LDLRAD3: variants seen among roughly 807,000 people sequenced by gnomAD.
The protein encoded by LDLRAD3 is low density lipoprotein receptor class A domain containing 3.
LDLRAD3 carries 20 observed loss-of-function variants against 29.4 expected under a neutral mutation model. The observed-to-expected ratio is 0.68, with a 90% confidence interval of 0.48 to 0.99. The LOEUF is 0.99. LDLRAD3 is among the 50% of genes least tolerant of loss of function. LDLRAD3 has a pLI of 0.00. For missense variants in LDLRAD3, 420 were observed against 454.3 expected, an observed-to-expected ratio of 0.92 and a Z score of 0.69; for synonymous variants, 157 against 192.7, an observed-to-expected ratio of 0.81 and a Z score of 1.53.
chr11:36,113,691 T>C (rs1456444238), intron 4 of LDLRAD3, among the ~76,000 whole-genome samples: 2 of 148,040 alleles, frequency 1.4e-5, no homozygotes, highest in African/African-American at 5.1e-5. Context: ...TTTTTTTTTT[T>C]GAGACAGAGT....
chr11:36,219,157 A>G (rs1267693908), intron 4 of LDLRAD3, among the ~76,000 whole-genome samples: 1 of 152,254 alleles, frequency 6.6e-6, no homozygotes, highest in Non-Finnish European at 1.5e-5. Flanking sequence ...GTAGCTCACA[A>G]AGCATAAAAT....
Position 36,068,080 on chromosome 11 carries a change from G to GT in LDLRAD3, c.194-13565dup, listed in dbSNP as rs200778683. Reference sequence around the variant, plus strand: ...TTCGTTCTCTTTCTCTTGGCCAGGTGTTTTTTTTAGCTAAGGGCCTCTTGC... The same window carrying GT: ...TTCGTTCTCTTTCTCTTGGCCAGGTGTTTTTTTTTAGCTAAGGGCCTCTTGC... On this transcript the variant is annotated intron_variant, in intron 2 of 5. Coordinates refer to ENST00000315571, the MANE Select transcript of LDLRAD3 (RefSeq NM_174902.4). Among the ~76,000 whole-genome samples, 80 of 151,926 alleles carry GT rather than the reference G, an allele frequency of 5.3e-4. No homozygotes were observed. In the East Asian group the frequency reaches 7.9e-3, roughly 15 times the overall value.
Position 36,227,400 on chromosome 11 carries a change from C to A in LDLRAD3, c.770C>A (p.Pro257His). The change falls in exon 5 of 6, where the codon CCC becomes CAC. Residue 257 changes from proline (P) to histidine (H), a missense_variant. Coordinates refer to ENST00000315571, the MANE Select transcript of LDLRAD3 (RefSeq NM_174902.4). The stretch of plus-strand genomic sequence containing the variant: ...AATGCGTCGGAAGTAGGCTCCCCAC[C>A]CTCCTACTCCGAGGCCTTGCTGGAC... Reference protein sequence around the residue: ...EQNASEVGSPPSYSEALLDQR... With the variant: ...EQNASEVGSPHSYSEALLDQR... 1 of 1,593,500 alleles carries A rather than the reference C, an allele frequency of 6.3e-7. No individual in the cohort carries two copies. Among genetic ancestry groups the A allele is most frequent in the East Asian group, 2.2e-5 (1 of 44,716 alleles).
intron 2 of LDLRAD3, among the ~76,000 whole-genome samples, chr11:36,061,567 T>C (rs1221808462): frequency 6.6e-6 from 1 of 152,138 alleles, no homozygotes; most frequent in Admixed American, 6.5e-5. Context: ...TACTACTAAC[T>C]GGGGAGCTCC....
At chr11:35,974,380 C>T (rs1371654635) in intron 1 of LDLRAD3, among the ~76,000 whole-genome samples, 2 of 151,982 alleles carry the variant, frequency 1.3e-5, no homozygotes, top group African/African-American at 2.4e-5. Context: ...CTTGACCTCT[C>T]TTCTGTTGCT....
At chr11:36,155,420 A>T (rs1854333417) in intron 4 of LDLRAD3, among the ~76,000 whole-genome samples, 1 of 152,136 alleles carries the variant, frequency 6.6e-6, no homozygotes, top group African/African-American at 2.4e-5. Flanking sequence ...TTGTTTGGAG[A>T]GAGCCCGCTG....
chr11:36,207,797 C>T (rs1032767571), intron 4 of LDLRAD3, among the ~76,000 whole-genome samples: 2 of 152,118 alleles, frequency 1.3e-5, no homozygotes, highest in African/African-American at 4.8e-5. Context: ...GTCCACCACA[C>T]TGGGGAAGGG....
chr11:35,985,501 C>T (rs547866169), intron 1 of LDLRAD3, among the ~76,000 whole-genome samples: 14 of 152,240 alleles, frequency 9.2e-5, no homozygotes, highest in African/African-American at 3.1e-4. Flanking sequence ...TAGTCAGTCT[C>T]TTGGTCCCTG....
intron 1 of LDLRAD3, among the ~76,000 whole-genome samples, chr11:36,003,930 T>C (rs542977400): frequency 6.6e-6 from 1 of 152,108 alleles, no homozygotes; most frequent in Non-Finnish European, 1.5e-5. Context: ...CCACACACTT[T>C]TAAACCATCA....
At chr11:35,964,551 A>T (rs957583412) in intron 1 of LDLRAD3, among the ~76,000 whole-genome samples, 1 of 152,108 alleles carries the variant, frequency 6.6e-6, no homozygotes, top group Non-Finnish European at 1.5e-5. Flanking sequence ...GTTAGCCTCT[A>T]CTTTGGAGGC....
intron 4 of LDLRAD3, among the ~76,000 whole-genome samples, chr11:36,201,962 C>T (rs1855132732): frequency 6.6e-6 from 1 of 152,004 alleles, no homozygotes; most frequent in African/African-American, 2.4e-5. Context: ...CAAATAAGCA[C>T]AGCTCAGCCT....
At chr11:35,996,555 A>C (rs1044013188) in intron 1 of LDLRAD3, among the ~76,000 whole-genome samples, 1 of 152,226 alleles carries the variant, frequency 6.6e-6, no homozygotes, top group Non-Finnish European at 1.5e-5. Context: ...TGGTAGACTT[A>C]CTGCGTTCAG....
chr11:36,090,803 T>C (rs1261418382), intron 3 of LDLRAD3, among the ~76,000 whole-genome samples: 3 of 152,090 alleles, frequency 2.0e-5, no homozygotes, highest in Non-Finnish European at 2.9e-5. Flanking sequence ...ATGTGCAGAA[T>C]GCGGCTGTAC....
chr11:35,994,336 CAAAAAAA>C (rs36041385), intron 1 of LDLRAD3, among the ~76,000 whole-genome samples: 6 of 48,994 alleles, frequency 1.2e-4, no homozygotes, highest in South Asian at 8.7e-4. Flanking sequence ...GACTTTGTCT[CAAAAAAA>C]AAAAAAAAAA....
At chr11:36,025,892 G>C (rs1205254398) in intron 1 of LDLRAD3, among the ~76,000 whole-genome samples, 1 of 147,218 alleles carries the variant, frequency 6.8e-6, no homozygotes, top group African/African-American at 2.5e-5. Context: ...CGATTCTCCT[G>C]CCCTATCCTC....
At position 36,108,120 on chromosome 11, in the gene LDLRAD3, TC is replaced by T. The variant is rs200729381; in HGVS notation, c.454+9662del. On this transcript the variant is annotated intron_variant, in intron 4 of 5. Transcript: ENST00000315571. ...GGTCAGGAGATCAAGATCGAGACCA[TC>T]CCGGCTAACACAGTGAAACCCCGTC... is the stretch of plus-strand genomic sequence containing the variant. Among the ~76,000 whole-genome samples the T allele has an allele frequency of 7.7e-3, 1,162 of 151,854 alleles. 13 individuals are homozygous for T. Among genetic ancestry groups the T allele is most frequent in the African/African-American group, 0.026 (1,082 of 41,398 alleles).
At position 36,052,733 on chromosome 11, in the gene LDLRAD3, T is replaced by C. The variant is rs536398870; in HGVS notation, c.193+16484T>C. ...AATACATTTGTACCTGTTAAGTGTT[T>C]AACAGGTATTAACAATGCTTGACCC... On this transcript the variant is annotated intron_variant, in intron 2 of 5. Transcript: ENST00000315571. Among the ~76,000 whole-genome samples, 358 of 152,356 alleles carry C rather than the reference T, an allele frequency of 2.3e-3. 2 individuals are homozygous for C. Among genetic ancestry groups the C allele is most frequent in the African/African-American group, 7.6e-3 (317 of 41,586 alleles).
chr11:36,180,674 C>T (rs1221146565), intron 4 of LDLRAD3, among the ~76,000 whole-genome samples: 2 of 151,408 alleles, frequency 1.3e-5, no homozygotes, highest in Non-Finnish European at 2.9e-5. Context: ...CATCTGGCTG[C>T]TGTGTTGAGA....
chr11:36,003,111 G>T (rs912439994), intron 1 of LDLRAD3, among the ~76,000 whole-genome samples: 5 of 152,180 alleles, frequency 3.3e-5, no homozygotes, highest in African/African-American at 7.2e-5. Context: ...GCCACCAAAT[G>T]CTGTTGATAA....
Sources: allele counts gnomAD v4.1 joint callset (sites outside exome capture counted in the v4.1 genomes callset), GRCh38; gene constraint gnomAD v4.1.1; transcripts MANE v1.5; gene names NCBI Gene and HGNC (gene_info 2026-07-23, HGNC 2026-07-21).